Variants in NDEL1 observed in about 807,000 individuals in gnomAD.
NDEL1 encodes nuclear distribution protein nudE-like 1.
A neutral mutation model predicts 45.7 loss-of-function variants in NDEL1; 9 were observed. The observed-to-expected ratio is 0.20, with a 90% CI of 0.12 to 0.34. The LOEUF (loss-of-function observed/expected upper bound fraction) is 0.34. Ranked by LOEUF, NDEL1 falls within the 10% of genes least tolerant of loss-of-function variation. NDEL1 has a pLI of 1.00. For synonymous variants in NDEL1, 133 were observed against 158.6 expected (o/e 0.84, Z 1.21); for missense variants, 306 against 406.2 (o/e 0.75, Z 2.12).
chr17:8,424,615 C>A (rs1275424473), intron 1 of NDEL1, among the ~76,000 whole-genome samples: 1 of 152,230 alleles, frequency 6.6e-6, no homozygotes, highest in African/African-American at 2.4e-5. Context: ...CATTCTCCTG[C>A]CTCAGCCTCC....
At chr17:8,469,033 A>C (rs1052872140), downstream of NDEL1, among the ~76,000 whole-genome samples, 19 of 152,150 alleles carry the variant, frequency 1.2e-4, no homozygotes, top group African/African-American at 4.3e-4. Context: ...CTGAGTGAAT[A>C]AGAACTATTA....
intron 1 of NDEL1, among the ~76,000 whole-genome samples, chr17:8,440,040 A>G (rs1279725617): frequency 6.6e-6 from 1 of 152,164 alleles, no homozygotes; most frequent in African/African-American, 2.4e-5. Context: ...TGCTGCTCCT[A>G]TGACTTATTC....
chr17:8,428,827 C>T (rs531963277), intron 1 of NDEL1, among the ~76,000 whole-genome samples: 2 of 152,046 alleles, frequency 1.3e-5, no homozygotes, highest in East Asian at 1.9e-4. Context: ...GCTCCTGCCA[C>T]CACGCCCGGC....
At chr17:8,424,459 A>T (rs1483567951) in intron 1 of NDEL1, among the ~76,000 whole-genome samples, 1 of 152,196 alleles carries the variant, frequency 6.6e-6, no homozygotes, top group East Asian at 1.9e-4. Flanking sequence ...AGAACGCTGG[A>T]TCACAAAGGT....
At chr17:8,472,163 C>T (rs1232981825), downstream of NDEL1, among the ~76,000 whole-genome samples, 1 of 152,200 alleles carries the variant, frequency 6.6e-6, no homozygotes, top group Non-Finnish European at 1.5e-5. Context: ...GCAGCACCGG[C>T]CTCTGGGGAG....
intron 4 of NDEL1, among the ~76,000 whole-genome samples, chr17:8,447,982 C>G (rs558894764): frequency 6.6e-3 from 709 of 107,564 alleles, no homozygotes; most frequent in Non-Finnish European, 7.2e-3. Context: ...GGGAGGTGGG[C>G]GGGGGGGGGG....
chr17:8,439,176 G>T (rs1325696672), intron 1 of NDEL1, among the ~76,000 whole-genome samples: 2 of 151,004 alleles, frequency 1.3e-5, no homozygotes, highest in Admixed American at 1.3e-4. Flanking sequence ...TCCTGACCTC[G>T]TGATCCGCCC....
upstream of NDEL1, among the ~76,000 whole-genome samples, chr17:8,432,339 T>TAATTA (rs1909024611): frequency 9.3e-5 from 1 of 10,810 alleles, no homozygotes; most frequent in South Asian, 0.017. Context: ...ATATATATAT[T>TAATTA]ATATATAAAT....
At position 8,454,867 on chromosome 17, in the gene NDEL1, G is replaced by C; in HGVS notation, c.772G>C (p.Asp258His). 3.7e-6 allele frequency: 6 copies of C among 1,613,570 alleles called. No homozygotes were observed. The highest frequency in any genetic ancestry group is 5.1e-6 in the Non-Finnish European group (6 of 1,179,718). Residue 258 changes from aspartate to histidine, a missense_variant, in exon 7 of 9, where the codon GAT becomes CAT. This residue lies in a region of NDEL1 where 175 missense variants were observed against 205.2 expected (regional missense o/e 0.85). Coordinates refer to ENST00000334527, the MANE Select transcript of NDEL1 (RefSeq NM_030808.5). ...ARISALNIVG[D>H]LLRKVGALES... is the part of the protein sequence containing the mutation. ...GATATCAGCACTAAACATCGTGGGGGATCTCTTACGGAAAGTAGGGGTAAG... is the reference window on the plus strand; with the variant it reads ...GATATCAGCACTAAACATCGTGGGGCATCTCTTACGGAAAGTAGGGGTAAG...
intron 1 of NDEL1, among the ~76,000 whole-genome samples, chr17:8,417,241 C>T (rs180773049): frequency 5.9e-5 from 9 of 152,164 alleles, no homozygotes; most frequent in South Asian, 2.1e-4. Context: ...CTCAGCCTCC[C>T]GAATAGCTGG....
At chr17:8,414,196 T>C (rs1441175471) in intron 1 of NDEL1, among the ~76,000 whole-genome samples, 1 of 152,224 alleles carries the variant, frequency 6.6e-6, no homozygotes, top group African/African-American at 2.4e-5. Context: ...TATTGGTGGG[T>C]GTTTAGGGTG....
At chr17:8,448,714 T>C (rs1190687885) in intron 5 of NDEL1, 28 bp downstream of exon 5, 6 of 1,591,906 alleles carry the variant, frequency 3.8e-6, no homozygotes, top group Middle Eastern at 1.7e-4. Context: ...AAGAATACAG[T>C]TGACCCTTGA....
intron 7 of NDEL1, 84 bp downstream of exon 7, chr17:8,454,971 AG>A: frequency 7.8e-7 from 1 of 1,283,866 alleles, no homozygotes; most frequent in African/African-American, 1.5e-5. Context: ...GAAGAAAGAA[AG>A]GATACTTTCC....
At chr17:8,439,752 C>T (rs945881264) in intron 1 of NDEL1, among the ~76,000 whole-genome samples, 2 of 152,170 alleles carry the variant, frequency 1.3e-5, no homozygotes, top group African/African-American at 4.8e-5. Flanking sequence ...GGTCTGCTAT[C>T]GAACTACCAA....
chr17:8,470,544 T>A (rs964560294), downstream of NDEL1, among the ~76,000 whole-genome samples: 2 of 152,148 alleles, frequency 1.3e-5, no homozygotes, highest in African/African-American at 4.8e-5. The surrounding 1 kb of genome is among the most constrained non-coding windows in gnomAD (Gnocchi z 4.2). Flanking sequence ...TGAGTCACAG[T>A]GAGGCCTGCA....
chr17:8,432,548 C>G (rs951782718), upstream of NDEL1, among the ~76,000 whole-genome samples: 3 of 151,314 alleles, frequency 2.0e-5, no homozygotes, highest in East Asian at 3.9e-4. Flanking sequence ...CTACACCCAG[C>G]TAATTTTTTG....
chr17:8,473,717 G>C (rs1051100451), intron 3 of NDEL1, among the ~76,000 whole-genome samples: 1 of 152,178 alleles, frequency 6.6e-6, no homozygotes, highest in African/African-American at 2.4e-5. Context: ...TCTAACCGGA[G>C]AATATTATGG....
intron 5 of NDEL1, among the ~76,000 whole-genome samples, chr17:8,450,288 C>A (rs891730021): frequency 8.7e-3 from 995 of 114,584 alleles, no homozygotes; most frequent in African/African-American, 0.011. Flanking sequence ...GACTCCGTCT[C>A]AAAAAAAAAA....
rs955263513 is a variant in NDEL1, at chr17:8,467,407, A to G, written c.*384A>G. 7 of 410,468 alleles carry G rather than the reference A, an allele frequency of 1.7e-5. No homozygotes were observed. In the East Asian group the frequency reaches 2.5e-4, roughly 15 times the overall value. The allele number at this position is 410,468 out of a possible 1,614,324, so 25.4% of individuals were successfully genotyped here. A position where few individuals can be genotyped will look rare whatever the true frequency, so the allele number is the denominator to read the frequency against. On this transcript the variant is annotated 3_prime_UTR_variant, in exon 9 of 9. Coordinates refer to ENST00000334527, the MANE Select transcript of NDEL1 (RefSeq NM_030808.5). The surrounding 1 kb of genome is among the most constrained non-coding windows in gnomAD (Gnocchi z 6.3). ...TTTAGGACATTGCAAATCTTCTAGA[A>G]GTTCTCCCCCAAATCAGGTCAATGT...
Sources: allele counts gnomAD v4.1 joint callset (sites outside exome capture counted in the v4.1 genomes callset), GRCh38; gene constraint gnomAD v4.1.1; regional missense constraint gnomAD v4.1.1; non-coding constraint Gnocchi (gnomAD v3.1); transcripts MANE v1.5; gene names NCBI Gene and HGNC (gene_info 2026-07-23, HGNC 2026-07-21).